The following PDE4D variants were observed in gnomAD, a reference collection of about 807,000 sequenced individuals.
PDE4D encodes 3',5'-cyclic-AMP phosphodiesterase 4D.
PDE4D carries 24 observed loss-of-function variants against 87.4 expected under a neutral mutation model. That is an observed-to-expected ratio of 0.27 (90% CI 0.20 to 0.39). The LOEUF is 0.39. Among genes scored for constraint, PDE4D ranks in the 10% least tolerant of loss-of-function variants. PDE4D has a pLI of 1.00. For synonymous variants in PDE4D, 384 were observed against 383.2 expected, an observed-to-expected ratio of 1.00 and a Z score of -0.02; for missense variants, 714 against 1,041.0, an observed-to-expected ratio of 0.69 and a Z score of 4.32.
intron 1 of PDE4D, among the ~76,000 whole-genome samples, chr5:59,266,174 A>G (rs1762825620): frequency 6.6e-6 from 1 of 151,958 alleles, no homozygotes; most frequent in Admixed American, 6.6e-5. Flanking sequence ...AGGCAGGAGG[A>G]TTGAGACTAG....
At chr5:59,957,562 T>C (rs575608408) in intron 3 of PDE4D, among the ~76,000 whole-genome samples, 55 of 152,186 alleles carry the variant, frequency 3.6e-4, no homozygotes, top group Non-Finnish European at 7.2e-4. Context: ...GTTGGTAGTA[T>C]AGAGAAAAGG....
At position 59,942,501 on chromosome 5, in the gene PDE4D, T is replaced by C. The variant is rs796256624; in HGVS notation, c.272+45987A>G. 6.6e-5 allele frequency among the ~76,000 whole-genome samples: 10 copies of C among 152,128 alleles called. 1 individual carries two copies. Among genetic ancestry groups the C allele is most frequent in the African/African-American group, 2.4e-4 (10 of 41,498 alleles). On this transcript the variant is annotated intron_variant, in intron 3 of 16. Transcript: ENST00000502484. ...GTGTCCTGGACACAGTGAGAGAATA[T>C]GGTAAGAAAGTGGAGAGAAAGGCTG... is the stretch of plus-strand genomic sequence containing the variant.
chr5:59,973,287 G>A (rs879937447), intron 3 of PDE4D, among the ~76,000 whole-genome samples: 2 of 151,980 alleles, frequency 1.3e-5, no homozygotes, highest in East Asian at 3.8e-4. Flanking sequence ...CCACAATTTT[G>A]TAAATCAAAA....
At chr5:60,186,371 A>T (rs1784784578) in intron 1 of PDE4D, among the ~76,000 whole-genome samples, 1 of 152,158 alleles carries the variant, frequency 6.6e-6, no homozygotes, top group African/African-American at 2.4e-5. Context: ...TCATTACCTA[A>T]CTAATCTTTG....
At chr5:59,211,927 T>A (rs1224481099) in intron 2 of PDE4D, among the ~76,000 whole-genome samples, 1 of 152,094 alleles carries the variant, frequency 6.6e-6, no homozygotes, top group East Asian at 1.9e-4. Flanking sequence ...ATTTAAAGGT[T>A]TTCCAAAACA....
chr5:59,012,698 A>T (rs2153366744), intron 6 of PDE4D, among the ~76,000 whole-genome samples: 1 of 152,360 alleles, frequency 6.6e-6, no homozygotes, highest in African/African-American at 2.4e-5. Context: ...CTACACAATA[A>T]TAATGGGAGA....
chr5:59,036,575 G>C (rs1241833917), intron 6 of PDE4D, among the ~76,000 whole-genome samples: 1 of 152,216 alleles, frequency 6.6e-6, no homozygotes, highest in African/African-American at 2.4e-5. Context: ...TGTGGATGTG[G>C]CTTATTCATG....
At chr5:59,347,307 ACAAAT>A (rs1779770328) in intron 1 of PDE4D, among the ~76,000 whole-genome samples, 1 of 152,178 alleles carries the variant, frequency 6.6e-6, no homozygotes. Context: ...TGGGTAATCC[ACAAAT>A]CAATTAAAGG....
At chr5:59,795,290 C>G (rs957119963) in intron 1 of PDE4D, among the ~76,000 whole-genome samples, 1 of 152,116 alleles carries the variant, frequency 6.6e-6, no homozygotes, top group Non-Finnish European at 1.5e-5. Context: ...TGAGGATAGA[C>G]TTAGGGGGCA....
At chr5:59,691,721 A>T (rs924126842) in intron 1 of PDE4D, among the ~76,000 whole-genome samples, 2 of 150,880 alleles carry the variant, frequency 1.3e-5, no homozygotes, top group African/African-American at 2.4e-5. Flanking sequence ...AAGTATAATA[A>T]AAAAAAAAAT....
intron 5 of PDE4D, among the ~76,000 whole-genome samples, chr5:59,081,358 T>A (rs1766719104): frequency 6.6e-6 from 1 of 152,034 alleles, no homozygotes; most frequent in Admixed American, 6.6e-5. Context: ...AGTAATAACT[T>A]CCTGTTGTTC....
chr5:59,053,568 A>G (rs1363906768), intron 5 of PDE4D, among the ~76,000 whole-genome samples: 1 of 151,218 alleles, frequency 6.6e-6, no homozygotes, highest in East Asian at 1.9e-4. Flanking sequence ...TCATATTTTC[A>G]TTATATATCT....
At chr5:60,116,118 T>A (rs1158486668) in intron 2 of PDE4D, among the ~76,000 whole-genome samples, 1 of 152,042 alleles carries the variant, frequency 6.6e-6, no homozygotes, top group Non-Finnish European at 1.5e-5. Context: ...GTCTTCTACA[T>A]AGCATGAGTC....
intron 1 of PDE4D, among the ~76,000 whole-genome samples, chr5:59,337,337 C>CA (rs1396627016): frequency 1.3e-4 from 17 of 133,026 alleles, no homozygotes; most frequent in African/African-American, 4.4e-4. Flanking sequence ...CCCCCCCCAC[C>CA]TTTTTTTTTT....
upstream of PDE4D, among the ~76,000 whole-genome samples, chr5:59,897,870 T>G (rs1379095014): frequency 6.6e-6 from 1 of 152,200 alleles, no homozygotes; most frequent in Non-Finnish European, 1.5e-5. Context: ...GCATTGAAAG[T>G]CTCAGATTTC....
chr5:59,886,658 A>G (rs1014444166), intron 1 of PDE4D, among the ~76,000 whole-genome samples: 3 of 152,160 alleles, frequency 2.0e-5, no homozygotes, highest in Admixed American at 1.3e-4. Context: ...TGCAGAGCAT[A>G]GGGAAAGCAA....
intron 2 of PDE4D, among the ~76,000 whole-genome samples, chr5:59,199,768 C>G (rs959818635): frequency 1.1e-4 from 17 of 152,022 alleles, no homozygotes; most frequent in African/African-American, 4.1e-4. Context: ...CTAGACCCAT[C>G]TTCATAGAAG....
chr5:59,927,207 A>T (rs957864452), intron 3 of PDE4D, among the ~76,000 whole-genome samples: 2 of 152,132 alleles, frequency 1.3e-5, no homozygotes, highest in Non-Finnish European at 2.9e-5. Flanking sequence ...CTTTTACCTC[A>T]ACTTCTAACA....
Position 60,130,650 on chromosome 5 carries a change from G to A in PDE4D, c.42+54907C>T, listed in dbSNP as rs189561063. Among the ~76,000 whole-genome samples, 406 of 152,274 alleles carry A rather than the reference G, an allele frequency of 2.7e-3. 3 individuals carry two copies. Among genetic ancestry groups the A allele is most frequent in the African/African-American group, 9.4e-3 (391 of 41,558 alleles). ...AAAGTAAAGGGTGATGACTTGCACT[G>A]TCACTGAACATCCACTGAGCCTCTA... On this transcript the variant is annotated intron_variant, in intron 2 of 16. Transcript: ENST00000502484.
Sources: allele counts gnomAD v4.1 joint callset (sites outside exome capture counted in the v4.1 genomes callset), GRCh38; gene constraint gnomAD v4.1.1; transcripts MANE v1.5; gene names NCBI Gene and HGNC (gene_info 2026-07-23, HGNC 2026-07-21).